The following SLC12A2 variants were observed in gnomAD, a reference collection of about 807,000 sequenced individuals.
SLC12A2 encodes the protein solute carrier family 12 member 2, also known as Na-K-2Cl cotransporter 1.
A neutral mutation model predicts 136.3 loss-of-function variants in SLC12A2; 67 were observed. That is an observed-to-expected ratio of 0.49 (90% CI 0.40 to 0.60). SLC12A2 has a LOEUF of 0.60. SLC12A2 is among the 20% of genes least tolerant of loss of function. The probability of loss-of-function intolerance (pLI) is 0.00; values close to 1 mark genes in which losing one functional copy is unlikely to be tolerated. For synonymous variants in SLC12A2, 619 were observed against 562.9 expected (o/e 1.10, Z -1.41); for missense variants, 1,322 against 1,534.7 (o/e 0.86, Z 2.32).
intron 24 of SLC12A2, 90 bp downstream of exon 24, chr5:128,183,031 G>C (rs1266947652): frequency 1.3e-6 from 1 of 743,146 alleles, no homozygotes; most frequent in East Asian, 2.7e-5. Context: ...TTTTTTTCCT[G>C]TTGTTAGTTA....
chr5:128,124,983 A>G (rs1761731401), intron 4 of SLC12A2, among the ~76,000 whole-genome samples: 1 of 152,178 alleles, frequency 6.6e-6, no homozygotes, highest in Non-Finnish European at 1.5e-5. Flanking sequence ...GTAAATTCCA[A>G]GGGTTTTATA....
intron 4 of SLC12A2, among the ~76,000 whole-genome samples, chr5:128,129,162 A>G (rs1761923132): frequency 6.6e-6 from 1 of 152,062 alleles, no homozygotes; most frequent in African/African-American, 2.4e-5. Flanking sequence ...AATTTCAATA[A>G]CTTTTCTTTG....
intron 20 of SLC12A2, among the ~76,000 whole-genome samples, chr5:128,175,738 A>G (rs925521490): frequency 6.6e-6 from 1 of 151,904 alleles, no homozygotes; most frequent in African/African-American, 2.4e-5. Context: ...ATTTCTACTT[A>G]CCTTTTTATT....
intron 2 of SLC12A2, 58 bp downstream of exon 2, chr5:128,112,991 TC>T: frequency 7.0e-7 from 1 of 1,425,166 alleles, no homozygotes; most frequent in Non-Finnish European, 9.4e-7. Context: ...TATAAAATCT[TC>T]CTAACGTTCT....
At chr5:128,126,678 C>G (rs1372951743) in intron 4 of SLC12A2, among the ~76,000 whole-genome samples, 1 of 151,860 alleles carries the variant, frequency 6.6e-6, no homozygotes, top group Non-Finnish European at 1.5e-5. Context: ...TTTTTCTTGC[C>G]TTTTGAACTA....
Position 128,083,915 on chromosome 5 carries a change from G to T in SLC12A2, c.-40G>T. On this transcript the variant is annotated 5_prime_UTR_variant, in exon 1 of 27. Coordinates refer to ENST00000262461, the MANE Select transcript of SLC12A2 (RefSeq NM_001046.3). ...GTGTGGAGGGCGTGCTGCCGGAGAC[G>T]TCCGCCGGGCTCTGCAGTTCCGCCG... 8.2e-7 allele frequency: 1 copy of T among 1,216,442 alleles called. No homozygotes were observed. The highest frequency in any genetic ancestry group is 4.0e-5 in the South Asian group (1 of 25,290). 75.4% of individuals were successfully genotyped at this position (1,216,442 alleles called of 1,614,324 possible).
chr5:128,180,513 T>TA, intron 22 of SLC12A2, among the ~76,000 whole-genome samples: 1 of 152,312 alleles, frequency 6.6e-6, no homozygotes, highest in South Asian at 2.1e-4. Flanking sequence ...TCTGTGGAGA[T>TA]ATAAATGGAG....
chr5:128,158,013 A>C (rs1762916312), intron 15 of SLC12A2, 40 bp from the exon 16 acceptor site: 2 of 1,553,662 alleles, frequency 1.3e-6, no homozygotes, highest in Admixed American at 3.6e-5. Flanking sequence ...CCAGAAACAC[A>C]AATTTATCTA....
At chr5:128,110,267 A>T in intron 1 of SLC12A2, 1 of 812,294 alleles carries the variant, frequency 1.2e-6, no homozygotes, top group Non-Finnish European at 2.2e-6. Flanking sequence ...GTGTGGCTCC[A>T]CAGATTCCAA....
rs1340105914 is a variant in SLC12A2, at chr5:128,088,568, T to C, written c.756+3858T>C. Among the ~76,000 whole-genome samples the C allele has an allele frequency of 4.0e-5, 5 of 124,358 alleles. No individual in the cohort carries two copies. The East Asian group carries it at 1.7e-3, about 42-fold the overall frequency. The allele number at this position is 124,358 out of a possible 152,430, so 81.6% of individuals were successfully genotyped here. ...TTTGTTTTTGTTTGTTTGTTTTTTGTGTGTGTGTTTTACTATTTTGTGTTT... is the reference window on the plus strand; with the variant it reads ...TTTGTTTTTGTTTGTTTGTTTTTTGCGTGTGTGTTTTACTATTTTGTGTTT... On this transcript the variant is annotated intron_variant, in intron 1 of 26. Transcript: ENST00000262461.
Position 128,182,838 on chromosome 5 carries a change from A to G in SLC12A2, c.3213-17A>G, listed in dbSNP as rs1490282095. On this transcript the variant is annotated splice_polypyrimidine_tract_variant and intron_variant, in intron 23 of 26. Coordinates refer to ENST00000262461, the MANE Select transcript of SLC12A2 (RefSeq NM_001046.3). ...ATGAAAATACTTGTATCTTAATTCT[A>G]TTTATTTTTGTTGTAGGATGGCTAC... The G allele has an allele frequency of 1.1e-5, 18 of 1,570,076 alleles. No individual in the cohort carries two copies. The highest frequency in any genetic ancestry group is 2.7e-5 in the African/African-American group (2 of 73,956).
chr5:128,180,187 G>A lies in SLC12A2; in HGVS notation c.3101-696G>A, dbSNP rs926282766. On this transcript the variant is annotated intron_variant, in intron 22 of 26. Coordinates refer to ENST00000262461, the MANE Select transcript of SLC12A2 (RefSeq NM_001046.3). ...GGGTTTCATCGTGTTAGCCAGGATGGTCTCGATCTCCTGACCTCGTGATCC... is the reference window on the plus strand; with the variant it reads ...GGGTTTCATCGTGTTAGCCAGGATGATCTCGATCTCCTGACCTCGTGATCC... Among the ~76,000 whole-genome samples the A allele has an allele frequency of 2.0e-5, 3 of 151,784 alleles. No homozygotes were observed. In the South Asian group the frequency reaches 6.3e-4, roughly 32 times the overall value.
At chr5:128,095,209 G>A (rs1293904696) in intron 1 of SLC12A2, among the ~76,000 whole-genome samples, 3 of 152,074 alleles carry the variant, frequency 2.0e-5, no homozygotes, top group Non-Finnish European at 2.9e-5. Flanking sequence ...GTGGAGATTT[G>A]GGTCTTTAAA....
chr5:128,109,418 G>C (rs1761063515), intron 1 of SLC12A2: 1 of 342,178 alleles, frequency 2.9e-6, no homozygotes, highest in African/African-American at 2.1e-5. Context: ...CCGAAGCCTC[G>C]GCTGCTTCTG....
rs528381664 is a variant in SLC12A2 at position 128,092,187 on chromosome 5, G to C, written c.756+7477G>C. On this transcript the variant is annotated intron_variant, in intron 1 of 26. Transcript: ENST00000262461. ...CCATACATCCCCATCCAGACTATCA[G>C]CAAATCTGAACAATTATACGTTTGA... Among the ~76,000 whole-genome samples, 719 of 152,232 alleles carry C rather than the reference G, an allele frequency of 4.7e-3. 6 individuals carry two copies. The highest frequency in any genetic ancestry group is 0.017 in the African/African-American group (691 of 41,530).
At chr5:128,177,319 T>G (rs1310792197) in intron 21 of SLC12A2, among the ~76,000 whole-genome samples, 167 bp downstream of exon 21, 1 of 152,132 alleles carries the variant, frequency 6.6e-6, no homozygotes, top group Non-Finnish European at 1.5e-5. Flanking sequence ...AACTAAAAAG[T>G]TAAATATTCT....
chr5:128,142,352 A>G (rs763514444), intron 10 of SLC12A2, among the ~76,000 whole-genome samples: 9 of 152,092 alleles, frequency 5.9e-5, no homozygotes, highest in Non-Finnish European at 1.0e-4. Flanking sequence ...ATCCACCTGC[A>G]TGGGCCTCCC....
intron 22 of SLC12A2, among the ~76,000 whole-genome samples, chr5:128,180,131 A>G (rs1031869839): frequency 3.3e-5 from 5 of 150,940 alleles, no homozygotes; most frequent in African/African-American, 1.2e-4. Context: ...CACCATGCCC[A>G]GCTAATTTTT....
At chr5:128,171,254 G>A (rs1481635228) in intron 18 of SLC12A2, among the ~76,000 whole-genome samples, 1 of 152,056 alleles carries the variant, frequency 6.6e-6, no homozygotes, top group Non-Finnish European at 1.5e-5. Flanking sequence ...CCTGCAACCT[G>A]CTATCATTCG....
Sources: gnomAD v4.1 joint callset for allele counts (sites outside exome capture counted in the v4.1 genomes callset) on GRCh38, gnomAD v4.1.1 for gene constraint, MANE v1.5 for transcripts, NCBI Gene and HGNC (gene_info 2026-07-23, HGNC 2026-07-21) for gene names.